PTPRT: variants seen among roughly 807,000 people sequenced by gnomAD.
PTPRT encodes protein tyrosine phosphatase receptor type T.
PTPRT carries 56 observed loss-of-function variants against 176.8 expected under a neutral mutation model. The observed-to-expected ratio is 0.32, with a 90% CI of 0.26 to 0.40. The LOEUF is 0.40. Among genes scored for constraint, PTPRT ranks in the 10% least tolerant of loss-of-function variants. PTPRT has a pLI of 1.00. For synonymous variants in PTPRT, 783 were observed against 739.0 expected (o/e 1.06, Z -0.96); for missense variants, 1,540 against 1,908.2 (o/e 0.81, Z 3.60).
chr20:42,779,245 G>C (rs2077180565), intron 4 of PTPRT, among the ~76,000 whole-genome samples: 1 of 152,180 alleles, frequency 6.6e-6, no homozygotes, highest in Non-Finnish European at 1.5e-5. Flanking sequence ...CTAAATGCGA[G>C]GATTGAGAAG....
intron 11 of PTPRT, among the ~76,000 whole-genome samples, chr20:42,343,671 A>G (rs950638636): frequency 6.6e-6 from 1 of 152,098 alleles, no homozygotes; most frequent in Non-Finnish European, 1.5e-5. Context: ...TGTCTTTCCT[A>G]TTTTTAAGGT....
intron 1 of PTPRT, among the ~76,000 whole-genome samples, chr20:42,986,712 G>C (rs1239398505): frequency 6.6e-6 from 1 of 152,192 alleles, no homozygotes; most frequent in Non-Finnish European, 1.5e-5. Flanking sequence ...TATCTCATTT[G>C]AGGCTCATGA....
intron 7 of PTPRT, among the ~76,000 whole-genome samples, chr20:42,589,460 C>A (rs2073530608): frequency 1.3e-5 from 2 of 152,212 alleles, no homozygotes; most frequent in African/African-American, 4.8e-5. Flanking sequence ...AGAAATCCCA[C>A]ATTTCAGCAG....
In PTPRT at chr20:42,080,245, G is replaced by A; in HGVS notation, c.*634C>T. On this transcript the variant is annotated 3_prime_UTR_variant, in exon 31 of 31. Coordinates refer to ENST00000373187, the MANE Select transcript of PTPRT (RefSeq NM_007050.6). ...CTGGCCGGCCAGTGAATGCTGGACG[G>A]TCAAGGCCCAGGCTGGGGAAGGGGT... The A allele has an allele frequency of 4.3e-6, 1 of 233,226 alleles. No homozygotes were observed. The highest frequency in any genetic ancestry group is 8.5e-6 in the Non-Finnish European group (1 of 118,072). 14.4% of individuals were successfully genotyped at this position (233,226 alleles called of 1,614,324 possible).
chr20:42,478,017 C>G (rs56262497), intron 7 of PTPRT, among the ~76,000 whole-genome samples: 1 of 151,840 alleles, frequency 6.6e-6, no homozygotes, highest in Non-Finnish European at 1.5e-5. Context: ...TTATGACCCC[C>G]TAGAATTCCC....
chr20:42,197,948 A>G (rs899853660), intron 16 of PTPRT, among the ~76,000 whole-genome samples: 1 of 152,304 alleles, frequency 6.6e-6, no homozygotes, highest in Non-Finnish European at 1.5e-5. Flanking sequence ...CAAGTGCTGT[A>G]TTCTAAATCT....
At chr20:42,464,835 T>A (rs986563972) in intron 8 of PTPRT, among the ~76,000 whole-genome samples, 1 of 152,160 alleles carries the variant, frequency 6.6e-6, no homozygotes, top group Non-Finnish European at 1.5e-5. Context: ...TTACTACAGA[T>A]GTACTCATCC....
At chr20:42,435,735 AT>A (rs2059256775) in intron 9 of PTPRT, among the ~76,000 whole-genome samples, 1 of 152,258 alleles carries the variant, frequency 6.6e-6, no homozygotes, top group South Asian at 2.1e-4. Context: ...ATTCAAGGCA[AT>A]TCTAATAAAA....
chr20:42,515,110 T>A lies in PTPRT; in HGVS notation c.1154-42548A>T, dbSNP rs1342919658. The stretch of plus-strand genomic sequence containing the variant: ...TAATCAACATCTTAAACACACTGGG[T>A]ATTTTTATCCAATAATCTATCTCTC... On this transcript the variant is annotated intron_variant, in intron 7 of 30. Transcript: ENST00000373187. Among the ~76,000 whole-genome samples the A allele has an allele frequency of 2.0e-5, 3 of 152,310 alleles. No homozygotes were observed. The East Asian group carries it at 5.8e-4, about 29-fold the overall frequency.
intron 8 of PTPRT, among the ~76,000 whole-genome samples, chr20:42,456,393 C>A (rs1277535027): frequency 6.6e-6 from 1 of 151,936 alleles, no homozygotes; most frequent in East Asian, 1.9e-4. Flanking sequence ...CAATGATAGC[C>A]ACCAATACAG....
intron 2 of PTPRT, among the ~76,000 whole-genome samples, chr20:42,805,679 C>A (rs1385352042): frequency 6.6e-6 from 1 of 152,154 alleles, no homozygotes; most frequent in African/African-American, 2.4e-5. Context: ...TTTTAAAATT[C>A]TTGATTTTTA....
chr20:43,067,277 C>T (rs950677490), intron 1 of PTPRT, among the ~76,000 whole-genome samples: 4 of 152,002 alleles, frequency 2.6e-5, no homozygotes, highest in African/African-American at 9.7e-5. Flanking sequence ...TAGGTAAATC[C>T]ATAGAGACAG....
At chr20:42,919,206 G>A (rs1361548889) in intron 1 of PTPRT, among the ~76,000 whole-genome samples, 1 of 152,172 alleles carries the variant, frequency 6.6e-6, no homozygotes, top group Admixed American at 6.5e-5. Flanking sequence ...CATTTATTTG[G>A]TCGGGCAGCT....
chr20:43,111,658 T>C (rs985257438), intron 1 of PTPRT, among the ~76,000 whole-genome samples: 1 of 152,086 alleles, frequency 6.6e-6, no homozygotes, highest in African/African-American at 2.4e-5. Context: ...ACAGAACTGT[T>C]TAAAGGAAAA....
chr20:42,731,500 A>C (rs971275271), intron 6 of PTPRT, among the ~76,000 whole-genome samples: 4 of 152,224 alleles, frequency 2.6e-5, no homozygotes, highest in Non-Finnish European at 1.5e-5. Flanking sequence ...TAAATTAGAC[A>C]GGCCTAAATA....
intron 1 of PTPRT, among the ~76,000 whole-genome samples, chr20:42,938,268 G>A (rs915133588): frequency 1.3e-5 from 2 of 152,256 alleles, no homozygotes; most frequent in Non-Finnish European, 1.5e-5. Flanking sequence ...TCATAAAACT[G>A]TAAAACAGTT....
intron 11 of PTPRT, among the ~76,000 whole-genome samples, chr20:42,336,612 T>A (rs1260578090): frequency 1.3e-5 from 2 of 152,184 alleles, no homozygotes; most frequent in East Asian, 1.9e-4. Flanking sequence ...ATTTTTTTCA[T>A]TTCAGTAATT....
intron 7 of PTPRT, among the ~76,000 whole-genome samples, chr20:42,619,478 A>C (rs1245366831): frequency 1.6e-5 from 2 of 126,994 alleles, no homozygotes; most frequent in Admixed American, 7.5e-5. Flanking sequence ...CTGAATCTGA[A>C]CGTTGGCCTG....
At position 42,951,339 on chromosome 20, in the gene PTPRT, T is replaced by G. The variant is rs80332330; in HGVS notation, c.89-65407A>C. Among the ~76,000 whole-genome samples, 108 of 148,640 alleles carry G rather than the reference T, an allele frequency of 7.3e-4. 1 individual carries two copies. Among genetic ancestry groups the G allele is most frequent in the Middle Eastern group, 3.5e-3 (1 of 288 alleles). On this transcript the variant is annotated intron_variant, in intron 1 of 30. Coordinates refer to ENST00000373187, the MANE Select transcript of PTPRT (RefSeq NM_007050.6). ...GGGGATGAGTGGATGGATGGGCAGA[T>G]GAATGGGCAGATGGATAGATGGACA...
Sources: gnomAD v4.1 joint callset for allele counts (sites outside exome capture counted in the v4.1 genomes callset) on GRCh38, gnomAD v4.1.1 for gene constraint, MANE v1.5 for transcripts, NCBI Gene and HGNC (gene_info 2026-07-23, HGNC 2026-07-21) for gene names.